DLG2: variants seen among roughly 807,000 people sequenced by gnomAD.
DLG2 encodes the protein disks large homolog 2.
A neutral mutation model predicts 132.5 loss-of-function variants in DLG2; 45 were observed. The ratio of observed to expected loss-of-function variants is 0.34; its 90% CI spans 0.27 to 0.44. The LOEUF is 0.44. Among genes scored for constraint, DLG2 ranks in the 20% least tolerant of loss-of-function variants. The probability of loss-of-function intolerance (pLI) is 1.00; values close to 1 mark genes in which losing one functional copy is unlikely to be tolerated. For missense variants in DLG2, 1,045 were observed against 1,196.9 expected (o/e 0.87, Z 1.87); for synonymous variants, 424 against 419.6 (o/e 1.01, Z -0.13).
intron 6 of DLG2, among the ~76,000 whole-genome samples, chr11:84,806,633 G>A (rs1192044152): frequency 6.6e-6 from 1 of 152,020 alleles, no homozygotes; most frequent in East Asian, 1.9e-4. Flanking sequence ...CTCAGATAAA[G>A]GAAAACTAAG....
At chr11:84,741,043 G>A (rs926041212) in intron 6 of DLG2, among the ~76,000 whole-genome samples, 16 of 147,134 alleles carry the variant, frequency 1.1e-4, no homozygotes, top group African/African-American at 4.0e-4. Flanking sequence ...CCAAACAACT[G>A]TGTGCCTATG....
At chr11:84,997,128 C>T (rs1471619499) in intron 6 of DLG2, 1 of 153,096 alleles carries the variant, frequency 6.5e-6, no homozygotes, top group African/African-American at 2.4e-5. Context: ...GATTTGTAAT[C>T]TTAGGTAAAG....
chr11:83,657,702 C>T (rs2073033196), intron 18 of DLG2, among the ~76,000 whole-genome samples: 1 of 152,090 alleles, frequency 6.6e-6, no homozygotes, highest in Non-Finnish European at 1.5e-5. Context: ...CCATGCCTGG[C>T]TAATTTTTTT....
intron 3 of DLG2, among the ~76,000 whole-genome samples, chr11:85,539,618 A>C (rs1313957164): frequency 5.3e-5 from 8 of 152,160 alleles, no homozygotes; most frequent in Non-Finnish European, 1.0e-4. Flanking sequence ...AAAACCACCA[A>C]ATTGTACACT....
intron 11 of DLG2, among the ~76,000 whole-genome samples, chr11:84,016,046 T>A (rs191180639): frequency 4.6e-5 from 7 of 152,242 alleles, no homozygotes; most frequent in Admixed American, 1.3e-4. Context: ...CAGCAGCTGT[T>A]GTTTTTTTGC....
chr11:84,716,179 C>T (rs1420276710), intron 6 of DLG2, among the ~76,000 whole-genome samples: 3 of 152,006 alleles, frequency 2.0e-5, no homozygotes, highest in Non-Finnish European at 4.4e-5. Context: ...GAGCACCTCT[C>T]CTTGTACCCA....
chr11:83,973,790 A>G (rs562623247), intron 12 of DLG2, among the ~76,000 whole-genome samples: 1 of 152,214 alleles, frequency 6.6e-6, no homozygotes, highest in South Asian at 2.1e-4. Flanking sequence ...GGGTATTCAT[A>G]GTGTTCAAGA....
At chr11:84,862,954 C>G (rs916001137) in intron 6 of DLG2, among the ~76,000 whole-genome samples, 1 of 151,900 alleles carries the variant, frequency 6.6e-6, no homozygotes, top group African/African-American at 2.4e-5. Flanking sequence ...GCACATCTAT[C>G]CCAGAACTTA....
intron 6 of DLG2, among the ~76,000 whole-genome samples, chr11:84,715,566 TGA>T (rs1281428158): frequency 5.9e-5 from 9 of 152,134 alleles, no homozygotes; most frequent in African/African-American, 1.7e-4. Context: ...ACCATTCTAC[TGA>T]GTTTGTATGT....
chr11:85,448,738 A>G (rs1157522965), intron 3 of DLG2, among the ~76,000 whole-genome samples: 2 of 152,174 alleles, frequency 1.3e-5, no homozygotes, highest in African/African-American at 2.4e-5. Flanking sequence ...TGGGGACCCA[A>G]TATTCAACAT....
intron 8 of DLG2, among the ~76,000 whole-genome samples, chr11:84,184,982 T>C (rs377448374): frequency 6.6e-6 from 1 of 152,188 alleles, no homozygotes; most frequent in East Asian, 1.9e-4. Context: ...AGCCTTGTAG[T>C]GTAGTTTGAA....
intron 6 of DLG2, among the ~76,000 whole-genome samples, chr11:84,596,942 CAG>C (rs1178471016): frequency 2.6e-5 from 4 of 152,068 alleles, no homozygotes; most frequent in African/African-American, 9.7e-5. Flanking sequence ...CTACTGTGGC[CAG>C]ACTCAGTGAC....
intron 6 of DLG2, among the ~76,000 whole-genome samples, chr11:84,631,024 A>T (rs377610602): frequency 0.061 from 5,008 of 82,582 alleles, 57 homozygotes; most frequent in African/African-American, 0.082. Context: ...TCTCTCACAC[A>T]CACACACACA....
intron 3 of DLG2, among the ~76,000 whole-genome samples, chr11:85,364,147 GA>G (rs201052971): frequency 6.6e-6 from 1 of 151,820 alleles, no homozygotes; most frequent in Admixed American, 6.6e-5. Context: ...TCTACTTATA[GA>G]AAAAAAATCA....
At chr11:83,937,483 G>A (rs2081728897) in intron 14 of DLG2, among the ~76,000 whole-genome samples, 2 of 136,710 alleles carry the variant, frequency 1.5e-5, no homozygotes, top group African/African-American at 2.8e-5. Flanking sequence ...ACTCCAGCCT[G>A]GGCGAAAGAG....
rs919277463 is a variant in DLG2, at chr11:84,337,095, C to G, written c.520-85804G>C. ...ATTATGTGTTTTATATGTGCACATT[C>G]TATGTGAACATGGGTAAGTTTATTC... On this transcript the variant is annotated intron_variant, in intron 7 of 27. Coordinates refer to ENST00000376104, the MANE Select transcript of DLG2 (RefSeq NM_001142699.3). 2.8e-4 allele frequency among the ~76,000 whole-genome samples: 43 copies of G among 152,128 alleles called. 2 individuals carry two copies. The highest frequency in any genetic ancestry group is 7.4e-5 in the Non-Finnish European group (5 of 68,016).
chr11:85,386,221 C>T (rs1178204656), intron 3 of DLG2, among the ~76,000 whole-genome samples: 1 of 152,198 alleles, frequency 6.6e-6, no homozygotes, highest in Non-Finnish European at 1.5e-5. Flanking sequence ...ATAATGCCTA[C>T]ATACCACCTA....
At chr11:84,232,105 C>G (rs893799445) in intron 8 of DLG2, among the ~76,000 whole-genome samples, 1 of 152,064 alleles carries the variant, frequency 6.6e-6, no homozygotes, top group African/African-American at 2.4e-5. Flanking sequence ...AAAACTGCAA[C>G]ACAAGGATCT....
chr11:84,456,358 A>G (rs2099065312), intron 7 of DLG2, among the ~76,000 whole-genome samples: 1 of 151,332 alleles, frequency 6.6e-6, no homozygotes, highest in Admixed American at 6.6e-5. Flanking sequence ...CAAATGTTCT[A>G]GGAGCCTATC....
Sources: allele counts gnomAD v4.1 joint callset (sites outside exome capture counted in the v4.1 genomes callset), GRCh38; gene constraint gnomAD v4.1.1; transcripts MANE v1.5; gene names NCBI Gene and HGNC (gene_info 2026-07-23, HGNC 2026-07-21).